DMXL1: variants seen among roughly 807,000 people sequenced by gnomAD.
DMXL1 encodes dmX-like protein 1.
In DMXL1, 99 loss-of-function variants were observed where a neutral mutation model predicts 319.2. That is an observed-to-expected ratio of 0.31 (90% CI 0.26 to 0.37). The LOEUF (loss-of-function observed/expected upper bound fraction) is 0.37. Among genes scored for constraint, DMXL1 ranks in the 10% least tolerant of loss-of-function variants. DMXL1 has a pLI of 1.00. For missense variants in DMXL1, 3,745 were observed against 3,595.6 expected (o/e 1.04, Z -1.06); for synonymous variants, 1,385 against 1,235.2 (o/e 1.12, Z -2.54).
At chr5:119,174,110 CACATT>C (rs1299394745) in intron 25 of DMXL1, among the ~76,000 whole-genome samples, 1 of 152,034 alleles carries the variant, frequency 6.6e-6, no homozygotes, top group Non-Finnish European at 1.5e-5. Context: ...TGAGTCTACT[CACATT>C]ACAGAGCACA....
chr5:119,218,702 G>A (rs570923583), intron 35 of DMXL1, among the ~76,000 whole-genome samples: 6 of 152,154 alleles, frequency 3.9e-5, no homozygotes, highest in South Asian at 2.1e-4. Flanking sequence ...CTCGTGATCC[G>A]CCTGCCTCGG....
In DMXL1 at chr5:119,142,414, A is replaced by C. The variant is rs182635120; in HGVS notation, c.2377-1427A>C. ...TTCAAAAGAAGACATACGTGTGGCAACAAACATGATAAAAAGCTCAATCAC... is the reference window on the plus strand; with the variant it reads ...TTCAAAAGAAGACATACGTGTGGCACCAAACATGATAAAAAGCTCAATCAC... On this transcript the variant is annotated intron_variant, in intron 13 of 43. Coordinates refer to ENST00000539542, the MANE Select transcript of DMXL1 (RefSeq NM_001290321.3). 3.0e-3 allele frequency among the ~76,000 whole-genome samples: 461 copies of C among 152,200 alleles called. 3 individuals carry two copies. The highest frequency in any genetic ancestry group is 0.01 in the African/African-American group (428 of 41,532).
chr5:119,172,772 C>T lies in DMXL1; in HGVS notation c.6681+803C>T, dbSNP rs192820204. On this transcript the variant is annotated intron_variant, in intron 25 of 43. Coordinates refer to ENST00000539542, the MANE Select transcript of DMXL1 (RefSeq NM_001290321.3). ...TAATAGTCTATCATGTAGCTCTCAT[C>T]CACCTCACAGGTTGTATCACACCAA... Among the ~76,000 whole-genome samples the T allele has an allele frequency of 2.1e-3, 314 of 151,966 alleles. 1 individual carries two copies. The highest frequency in any genetic ancestry group is 5.9e-3 in the South Asian group (28 of 4,780).
chr5:119,157,698 A>G (rs1420410596), intron 19 of DMXL1, among the ~76,000 whole-genome samples: 1 of 152,210 alleles, frequency 6.6e-6, no homozygotes, highest in South Asian at 2.1e-4. Context: ...TTACACCAGT[A>G]TCATGCTATT....
chr5:119,197,779 G>C lies in DMXL1; in HGVS notation c.7568G>C (p.Cys2523Ser). 1 of 1,613,746 alleles carries C rather than the reference G, an allele frequency of 6.2e-7. No individual in the cohort carries two copies. Among genetic ancestry groups the C allele is most frequent in the Non-Finnish European group, 8.5e-7 (1 of 1,179,970 alleles). The change falls in exon 32 of 44, where the codon TGT becomes TCT. Residue 2523 changes from cysteine to serine, a missense_variant. This residue lies in a region of DMXL1 where 1,382 missense variants were observed against 1,269.5 expected (regional missense o/e 1.09). Transcript: ENST00000539542. Reference protein sequence around the residue: ...LAELPVSSPLCHAVLKTLQCW... With the variant: ...LAELPVSSPLSHAVLKTLQCW... Reference sequence around the variant, plus strand: ...GAGCTTCCAGTTAGTTCACCTCTTTGTCATGCGGTTCTAAAAACTCTTCAA... The same window carrying C: ...GAGCTTCCAGTTAGTTCACCTCTTTCTCATGCGGTTCTAAAAACTCTTCAA...
intron 1 of DMXL1, among the ~76,000 whole-genome samples, chr5:119,088,824 T>C (rs1442924171): frequency 6.6e-6 from 1 of 152,168 alleles, no homozygotes; most frequent in Non-Finnish European, 1.5e-5. Context: ...TGTTTTTATA[T>C]TGCCTGTCTC....
intron 9 of DMXL1, 88 bp downstream of exon 9, chr5:119,121,227 T>A: frequency 1.7e-6 from 2 of 1,155,110 alleles, no homozygotes; most frequent in Non-Finnish European, 2.3e-6. Context: ...TTCAAATAAG[T>A]AAAATATTGG....
At chr5:119,077,737 TATAC>T (rs1205174736) in intron 1 of DMXL1, among the ~76,000 whole-genome samples, 1 of 126,834 alleles carries the variant, frequency 7.9e-6, no homozygotes, top group Non-Finnish European at 1.6e-5. Flanking sequence ...TGTGTACATA[TATAC>T]ATTTATTTTT....
rs770248105 is a variant in DMXL1 at position 119,175,378 on chromosome 5, G to A, written c.6758+41G>A. ...TGAAATTTAAGAATGCTTACAGTAA[G>A]CAATGAGGTTTCATATTTTGTATGT... is the stretch of plus-strand genomic sequence containing the variant. On this transcript the variant is annotated intron_variant, in intron 26 of 43. Transcript: ENST00000539542. 2.1e-6 allele frequency: 3 copies of A among 1,413,792 alleles called. No homozygotes were observed. The Admixed American group carries it at 5.2e-5, about 24-fold the overall frequency. 87.6% of individuals were successfully genotyped at this position (1,413,792 alleles called of 1,614,324 possible).
intron 13 of DMXL1, among the ~76,000 whole-genome samples, chr5:119,136,942 G>A (rs1388358373): frequency 6.6e-6 from 1 of 152,216 alleles, no homozygotes; most frequent in African/African-American, 2.4e-5. Context: ...AGTCCCCACT[G>A]GGGCCTCATG....
chr5:119,079,579 A>G (rs1280486614), intron 1 of DMXL1, among the ~76,000 whole-genome samples: 1 of 152,176 alleles, frequency 6.6e-6, no homozygotes, highest in Non-Finnish European at 1.5e-5. Context: ...TTCTTAACTC[A>G]CTATACTTTG....
At chr5:119,199,440 G>A (rs1780271192) in intron 32 of DMXL1, among the ~76,000 whole-genome samples, 2 of 152,100 alleles carry the variant, frequency 1.3e-5, no homozygotes, top group South Asian at 2.1e-4. Context: ...TCTTGTATCT[G>A]TACCAGATTT....
intron 13 of DMXL1, among the ~76,000 whole-genome samples, chr5:119,141,057 C>A (rs564926167): frequency 7.9e-5 from 12 of 152,206 alleles, no homozygotes; most frequent in Admixed American, 2.6e-4. Flanking sequence ...TTCAACATTC[C>A]TTCATGTTAA....
chr5:119,246,816 A>T lies in DMXL1; in HGVS notation c.8923-179A>T, dbSNP rs1250620044. 5.3e-5 allele frequency among the ~76,000 whole-genome samples: 8 copies of T among 151,590 alleles called. No individual in the cohort carries two copies. In the East Asian group the frequency reaches 1.5e-3, roughly 29 times the overall value. ...GCCGGGCTAGTTTTGTATTTTTAGTAGAGATGGGGTTTCTCCTTGTTGGTC... is the reference window on the plus strand; with the variant it reads ...GCCGGGCTAGTTTTGTATTTTTAGTTGAGATGGGGTTTCTCCTTGTTGGTC... On this transcript the variant is annotated intron_variant, in intron 43 of 43. Coordinates refer to ENST00000539542, the MANE Select transcript of DMXL1 (RefSeq NM_001290321.3).
intron 39 of DMXL1, among the ~76,000 whole-genome samples, chr5:119,234,733 A>G (rs1787412883): frequency 6.6e-6 from 1 of 152,076 alleles, no homozygotes; most frequent in African/African-American, 2.4e-5. Flanking sequence ...ATTGCTCCTA[A>G]CTAATCTCTA....
intron 25 of DMXL1, among the ~76,000 whole-genome samples, chr5:119,173,616 A>C (rs983602547): frequency 6.6e-6 from 1 of 150,528 alleles, no homozygotes; most frequent in Non-Finnish European, 1.5e-5. Flanking sequence ...ATCCTCCAGC[A>C]GGCAAGCCTA....
chr5:119,101,117 T>C (rs1005783326), intron 2 of DMXL1, among the ~76,000 whole-genome samples: 8 of 152,242 alleles, frequency 5.3e-5, no homozygotes, highest in Admixed American at 3.3e-4. Flanking sequence ...ATTTATAAAG[T>C]TGAATACTCA....
At position 119,155,825 on chromosome 5, in the gene DMXL1, TCA is replaced by T. The variant is rs1491158326; in HGVS notation, c.4702+3790_4702+3791del. 1.3e-4 allele frequency among the ~76,000 whole-genome samples: 9 copies of T among 70,354 alleles called. No homozygotes were observed. The East Asian group carries it at 5.5e-3, about 43-fold the overall frequency. 46.2% of individuals were successfully genotyped at this position (70,354 alleles called of 152,430 possible). ...CTGGGCAACAGGAGGAGACCCTGTCTCAAAAAAAAAAAAAAAAAACAAAACTT... is the reference window on the plus strand; with the variant it reads ...CTGGGCAACAGGAGGAGACCCTGTCTAAAAAAAAAAAAAAAAACAAAACTT... On this transcript the variant is annotated intron_variant, in intron 19 of 43. Transcript: ENST00000539542.
intron 28 of DMXL1, among the ~76,000 whole-genome samples, chr5:119,180,406 C>CT (rs1319258886): frequency 6.6e-6 from 1 of 152,006 alleles, no homozygotes; most frequent in Non-Finnish European, 1.5e-5. Flanking sequence ...CTCCAGAAAC[C>CT]TGATACCATC....
Sources: gnomAD v4.1 joint callset for allele counts (sites outside exome capture counted in the v4.1 genomes callset) on GRCh38, gnomAD v4.1.1 for gene constraint, gnomAD v4.1.1 regional missense constraint, MANE v1.5 for transcripts, NCBI Gene and HGNC (gene_info 2026-07-23, HGNC 2026-07-21) for gene names.